CNKSR2: variants seen among roughly 807,000 people sequenced by gnomAD.
CNKSR2 encodes CNK homolog protein 2.
CNKSR2 carries 14 observed loss-of-function variants against 84.4 expected under a neutral mutation model. The ratio of observed to expected loss-of-function variants is 0.17; its 90% confidence interval spans 0.11 to 0.26. CNKSR2 has a LOEUF of 0.26. Among genes scored for constraint, CNKSR2 ranks in the 10% least tolerant of loss-of-function variants. The pLI, the probability that CNKSR2 is intolerant of heterozygous loss-of-function variation, is 1.00. For missense variants in CNKSR2, 485 were observed against 771.2 expected, an observed-to-expected ratio of 0.63 and a Z score of 4.40; for synonymous variants, 275 against 277.9, an observed-to-expected ratio of 0.99 and a Z score of 0.10.
chrX:21,586,506 G>A (rs778973571), intron 13 of CNKSR2, among the ~76,000 whole-genome samples: 4 of 111,189 alleles, frequency 3.6e-5, no homozygotes, highest in Non-Finnish European at 7.5e-5. Context: ...AGGGATGAGT[G>A]CAAAAAGAAA....
chrX:21,634,096 A>G (rs2092659410), intron 20 of CNKSR2, among the ~76,000 whole-genome samples: 1 of 112,257 alleles, frequency 8.9e-6, no homozygotes, highest in African/African-American at 3.2e-5. Flanking sequence ...CATGTACACA[A>G]CATATTTTGA....
At chrX:21,417,931 T>A (rs1005750194) in intron 1 of CNKSR2, among the ~76,000 whole-genome samples, 3 of 111,548 alleles carry the variant, frequency 2.7e-5, no homozygotes, top group African/African-American at 6.5e-5. Context: ...AGTAAAGACT[T>A]CCTCCTGCCA....
Position 21,374,624 on chromosome X carries a change from A to C in CNKSR2, c.-274A>C, listed in dbSNP as rs1488551429. 1.7e-4 allele frequency: 84 copies of C among 508,825 alleles called. No individual in the cohort carries two copies. Among genetic ancestry groups the C allele is most frequent in the African/African-American group, 1.6e-3 (69 of 42,184 alleles). 41.9% of individuals were successfully genotyped at this position (508,825 alleles called of 1,213,427 possible). ...CAGCAGCAGCAGCAGCAGCAGCAGC[A>C]GCAGCAGCCGCCGCCGCCGCCGCCT... On this transcript the variant is annotated 5_prime_UTR_variant, in exon 1 of 22. Coordinates refer to ENST00000379510, the MANE Select transcript of CNKSR2 (RefSeq NM_014927.5).
intron 9 of CNKSR2, among the ~76,000 whole-genome samples, chrX:21,519,612 G>GA (rs1174634696): frequency 9.0e-6 from 1 of 110,507 alleles, no homozygotes; most frequent in Non-Finnish European, 1.9e-5. Flanking sequence ...ATTCAAACTT[G>GA]AAAAAATGGA....
chrX:21,421,358 A>T (rs2090494132), intron 1 of CNKSR2, among the ~76,000 whole-genome samples: 1 of 102,141 alleles, frequency 9.8e-6, no homozygotes, highest in African/African-American at 3.6e-5. Context: ...GGGTACTGTG[A>T]GTGCTCACCT....
chrX:21,647,921 T>C (rs779090167), intron 20 of CNKSR2, among the ~76,000 whole-genome samples: 65 of 111,482 alleles, frequency 5.8e-4, no homozygotes, highest in Admixed American at 1.7e-3. Context: ...CCAAGCAAAA[T>C]CCTAGTTCAT....
chrX:21,531,759 T>C, intron 10 of CNKSR2, 97 bp from the exon 11 acceptor site: 3 of 502,277 alleles, frequency 6.0e-6, no homozygotes, highest in Non-Finnish European at 1.0e-5. Flanking sequence ...TCAGGAGATA[T>C]ATTGTATGGG....
chrX:21,458,836 C>T, intron 4 of CNKSR2, among the ~76,000 whole-genome samples: 1 of 110,297 alleles, frequency 9.1e-6, no homozygotes, highest in Non-Finnish European at 1.9e-5. Context: ...TTAGCTCCCA[C>T]TTAAAGTAAA....
chrX:21,504,986 C>G (rs140206490), intron 8 of CNKSR2: 1 of 279,950 alleles, frequency 3.6e-6, no homozygotes, highest in South Asian at 2.4e-4. Context: ...GCCACTACAT[C>G]CCTCTCTCTG....
chrX:21,449,122 G>C (rs1292069207), intron 4 of CNKSR2, among the ~76,000 whole-genome samples: 1 of 110,484 alleles, frequency 9.1e-6, no homozygotes, highest in East Asian at 2.8e-4. Context: ...TGGCCAACAT[G>C]GTGAAACCCT....
chrX:21,586,603 T>C (rs2092390082), intron 13 of CNKSR2, among the ~76,000 whole-genome samples: 1 of 111,362 alleles, frequency 9.0e-6, no homozygotes, highest in Non-Finnish European at 1.9e-5. Flanking sequence ...GGCAATAAAC[T>C]AAACAATGAG....
At chrX:21,605,970 G>C (rs1367054888) in intron 18 of CNKSR2, among the ~76,000 whole-genome samples, 1 of 111,914 alleles carries the variant, frequency 8.9e-6, no homozygotes, top group African/African-American at 3.2e-5. Flanking sequence ...CAGTTACAGG[G>C]TGGTTGGAAT....
At chrX:21,631,285 C>T (rs978558846) in intron 20 of CNKSR2, among the ~76,000 whole-genome samples, 2 of 111,132 alleles carry the variant, frequency 1.8e-5, no homozygotes, top group African/African-American at 6.6e-5. Context: ...CACCACTGCA[C>T]TCCAGCCTGG....
intron 13 of CNKSR2, among the ~76,000 whole-genome samples, chrX:21,589,146 T>C (rs1196403058): frequency 1.8e-5 from 2 of 112,426 alleles, no homozygotes; most frequent in Non-Finnish European, 3.8e-5. Flanking sequence ...CACACACACA[T>C]ATACCACATA....
chrX:21,573,580 C>T (rs184106977), intron 13 of CNKSR2, among the ~76,000 whole-genome samples: 12 of 112,250 alleles, frequency 1.1e-4, no homozygotes, highest in Middle Eastern at 9.3e-3. Context: ...GGCTCAACAC[C>T]ACATGGGAGC....
intron 1 of CNKSR2, among the ~76,000 whole-genome samples, chrX:21,383,675 CT>C (rs774601868): frequency 3.3e-3 from 332 of 101,226 alleles, no homozygotes; most frequent in Admixed American, 4.0e-3. Flanking sequence ...TGCTCAATAT[CT>C]TTTTTTTTTT....
At chrX:21,437,942 A>C (rs1410890601) in intron 3 of CNKSR2, among the ~76,000 whole-genome samples, 1 of 111,481 alleles carries the variant, frequency 9.0e-6, no homozygotes, top group Non-Finnish European at 1.9e-5. Flanking sequence ...AATTTTGATT[A>C]ATCACATTTT....
chrX:21,547,403 A>G (rs1219092909), intron 11 of CNKSR2, among the ~76,000 whole-genome samples: 2 of 111,754 alleles, frequency 1.8e-5, no homozygotes, highest in Non-Finnish European at 3.8e-5. Context: ...TATGCACCCA[A>G]TACAGGAGCA....
At chrX:21,470,871 G>T (rs1009728977) in intron 5 of CNKSR2, 64 bp downstream of exon 5, 1 of 608,100 alleles carries the variant, frequency 1.6e-6, no homozygotes. Flanking sequence ...ACTAGAAGAG[G>T]TGAACCATAA....
Sources: gnomAD v4.1 joint callset for allele counts (sites outside exome capture counted in the v4.1 genomes callset) on GRCh38, gnomAD v4.1.1 for gene constraint, MANE v1.5 for transcripts, NCBI Gene and HGNC (gene_info 2026-07-23, HGNC 2026-07-21) for gene names.